CNTNAP2: variants seen among roughly 807,000 people sequenced by gnomAD.
CNTNAP2 encodes the protein contactin-associated protein-like 2.
CNTNAP2 carries 98 observed loss-of-function variants against 155.2 expected under a neutral mutation model. The observed-to-expected ratio is 0.63, with a 90% confidence interval of 0.54 to 0.75. CNTNAP2 has a LOEUF of 0.75. Ranked by LOEUF, CNTNAP2 falls within the 30% of genes least tolerant of loss-of-function variation. The probability of loss-of-function intolerance (pLI) is 0.00; values close to 1 mark genes in which losing one functional copy is unlikely to be tolerated. For missense variants in CNTNAP2, 1,727 were observed against 1,688.1 expected (o/e 1.02, Z -0.40); for synonymous variants, 651 against 631.2 (o/e 1.03, Z -0.47).
At chr7:146,180,534 C>A (rs552725173) in intron 1 of CNTNAP2, among the ~76,000 whole-genome samples, 1 of 152,028 alleles carries the variant, frequency 6.6e-6, no homozygotes, top group Admixed American at 6.6e-5. Flanking sequence ...ATTTTATTTG[C>A]ATTATCTCTT....
intron 1 of CNTNAP2, among the ~76,000 whole-genome samples, chr7:146,478,739 C>T (rs531037639): frequency 6.6e-5 from 10 of 152,002 alleles, no homozygotes; most frequent in Non-Finnish European, 1.3e-4. Context: ...ACATATTAAA[C>T]ACACAAATGA....
chr7:146,344,568 C>CT (rs11429869), intron 1 of CNTNAP2, among the ~76,000 whole-genome samples: 95,478 of 151,568 alleles, frequency 0.63, 32,456 homozygotes, highest in African/African-American at 0.9. Flanking sequence ...CAACCTCTGC[C>CT]CCCAAGTTCA....
intron 13 of CNTNAP2, among the ~76,000 whole-genome samples, chr7:147,744,871 C>T (rs1016176221): frequency 3.3e-5 from 5 of 152,128 alleles, no homozygotes; most frequent in African/African-American, 9.7e-5. Flanking sequence ...AGGCCCATCT[C>T]CAAATACAGA....
intron 2 of CNTNAP2, among the ~76,000 whole-genome samples, chr7:146,788,891 T>C (rs1802625052): frequency 6.6e-6 from 1 of 152,158 alleles, no homozygotes; most frequent in Non-Finnish European, 1.5e-5. Context: ...TAATGAAGTA[T>C]TGTATTGTAG....
intron 3 of CNTNAP2, among the ~76,000 whole-genome samples, chr7:147,003,909 G>A (rs1798475313): frequency 6.6e-6 from 1 of 151,942 alleles, no homozygotes; most frequent in Non-Finnish European, 1.5e-5. Flanking sequence ...GTGCATATCT[G>A]TAGTCCTAGC....
At chr7:148,020,916 C>A (rs947047790) in intron 15 of CNTNAP2, among the ~76,000 whole-genome samples, 1 of 152,200 alleles carries the variant, frequency 6.6e-6, no homozygotes, top group African/African-American at 2.4e-5. Flanking sequence ...TTAAGCAACT[C>A]CCCAGAACAG....
At chr7:148,064,694 A>C (rs1289774558) in intron 15 of CNTNAP2, among the ~76,000 whole-genome samples, 8 of 151,696 alleles carry the variant, frequency 5.3e-5, no homozygotes, top group African/African-American at 1.7e-4. Flanking sequence ...AAAAAAAAAA[A>C]AAACTCAAGA....
chr7:148,289,656 G>A (rs73464196), intron 21 of CNTNAP2, among the ~76,000 whole-genome samples: 22,365 of 152,140 alleles, frequency 0.15, 2,003 homozygotes, highest in African/African-American at 0.24. Flanking sequence ...AAACACTGGT[G>A]GCATCAAAAT....
intron 1 of CNTNAP2, among the ~76,000 whole-genome samples, chr7:146,494,338 AAAAAATAAATAAAT>A (rs1229833675): frequency 1.3e-5 from 2 of 151,770 alleles, no homozygotes; most frequent in Non-Finnish European, 2.9e-5. Context: ...TATGTCTCAA[AAAAAATAAATAAAT>A]AAAAATAAAT....
chr7:147,894,364 A>C (rs565074604), intron 13 of CNTNAP2: 1 of 152,182 alleles, frequency 6.6e-6, no homozygotes, highest in African/African-American at 2.4e-5. Context: ...TTTTCTGAGC[A>C]TGAGTCGCTT....
intron 11 of CNTNAP2, among the ~76,000 whole-genome samples, chr7:147,518,750 G>T (rs1799176680): frequency 6.6e-6 from 1 of 152,120 alleles, no homozygotes; most frequent in Non-Finnish European, 1.5e-5. Context: ...AAAAATTATG[G>T]CTGGGCGTGG....
intron 11 of CNTNAP2, among the ~76,000 whole-genome samples, chr7:147,546,843 G>A (rs182587994): frequency 1.3e-4 from 20 of 152,262 alleles, no homozygotes; most frequent in African/African-American, 2.9e-4. Flanking sequence ...CCCTTTGTTC[G>A]AGTGACTCCA....
rs576053322 is a variant in CNTNAP2, at chr7:147,740,242, A to T, written c.2098+100936A>T. Among the ~76,000 whole-genome samples the T allele has an allele frequency of 2.0e-5, 3 of 148,478 alleles. No homozygotes were observed. In the East Asian group the frequency reaches 6.1e-4, roughly 30 times the overall value. On this transcript the variant is annotated intron_variant, in intron 13 of 23. Transcript: ENST00000361727. ...AAGGATTTTCAAAACATTTTCTAAG[A>T]GTGTGATATGTGCAGCAAGCATTTA...
chr7:146,656,208 T>A (rs1799993638), intron 1 of CNTNAP2, among the ~76,000 whole-genome samples: 1 of 152,238 alleles, frequency 6.6e-6, no homozygotes, highest in Admixed American at 6.5e-5. Flanking sequence ...AGTTCATCTC[T>A]TATTACCCTT....
At chr7:148,413,442 A>ATATG (rs1799899877) in intron 23 of CNTNAP2, among the ~76,000 whole-genome samples, 1 of 106,456 alleles carries the variant, frequency 9.4e-6, no homozygotes, top group African/African-American at 4.1e-5. Context: ...ATATATATAT[A>ATATG]TATATTGCTC....
intron 3 of CNTNAP2, among the ~76,000 whole-genome samples, chr7:146,899,336 G>A (rs967152531): frequency 1.3e-5 from 2 of 151,994 alleles, no homozygotes; most frequent in Admixed American, 1.3e-4. Flanking sequence ...TTTTCTTCGG[G>A]GTCCTGAAAC....
rs1799945470 is a variant in CNTNAP2 at position 146,653,238 on chromosome 7, T to C, written c.98-121033T>C. Among the ~76,000 whole-genome samples, 2 of 152,196 alleles carry C rather than the reference T, an allele frequency of 1.3e-5. 1 individual carries two copies. The highest frequency in any genetic ancestry group is 1.3e-4 in the Admixed American group (2 of 15,262). ...TTCTTCAGTGTTGCCAGCTCCTGAT[T>C]CCAGATGAGCTAATGATTCCACAGA... is the stretch of plus-strand genomic sequence containing the variant. On this transcript the variant is annotated intron_variant, in intron 1 of 23. Coordinates refer to ENST00000361727, the MANE Select transcript of CNTNAP2 (RefSeq NM_014141.6).
chr7:147,632,898 G>A (rs111705908), intron 12 of CNTNAP2, among the ~76,000 whole-genome samples: 13,688 of 152,254 alleles, frequency 0.09, 1,713 homozygotes, highest in African/African-American at 0.26. Flanking sequence ...TGGAGTAAAA[G>A]TGACTCTTGC....
chr7:147,717,985 A>G (rs1796506483), intron 13 of CNTNAP2, among the ~76,000 whole-genome samples: 1 of 151,888 alleles, frequency 6.6e-6, no homozygotes, highest in Non-Finnish European at 1.5e-5. Context: ...CCAATTATAT[A>G]CTTTATTATA....
Sources: gnomAD v4.1 joint callset for allele counts (sites outside exome capture counted in the v4.1 genomes callset) on GRCh38, gnomAD v4.1.1 for gene constraint, MANE v1.5 for transcripts, NCBI Gene and HGNC (gene_info 2026-07-23, HGNC 2026-07-21) for gene names.